The following IRF5 variants were observed in gnomAD, a reference collection of about 807,000 sequenced individuals.
IRF5 encodes interferon regulatory factor 5.
Under a neutral mutation model 55.1 loss-of-function variants are expected in IRF5, and 24 were observed. That is an observed-to-expected ratio of 0.44 (90% CI 0.32 to 0.61). The LOEUF is 0.61. Among genes scored for constraint, IRF5 ranks in the 20% least tolerant of loss-of-function variants. The pLI is 0.07. For synonymous variants in IRF5, 258 were observed against 260.2 expected (o/e 0.99, Z 0.08); for missense variants, 499 against 658.5 (o/e 0.76, Z 2.65).
chr7:128,942,553 A>G (rs993294612), intron 2 of IRF5, among the ~76,000 whole-genome samples: 1 of 151,700 alleles, frequency 6.6e-6, no homozygotes, highest in Non-Finnish European at 1.5e-5. Context: ...CCTGGGTTCA[A>G]GCAATTCTCC....
Position 128,947,201 on chromosome 7 carries a change from T to C in IRF5, c.482-29T>C, listed in dbSNP as rs1203811001. 2 of 1,597,614 alleles carry C rather than the reference T, an allele frequency of 1.3e-6. No individual in the cohort carries two copies. Among genetic ancestry groups the C allele is most frequent in the Admixed American group, 3.4e-5 (2 of 59,076 alleles). ...GGGAGGCAGTTCGTGGAGGTGGCAC[T>C]GACAGCCGTCCACACGCACTCTCTG... On this transcript the variant is annotated intron_variant, in intron 5 of 8. Coordinates refer to ENST00000357234, the MANE Select transcript of IRF5 (RefSeq NM_001098629.3). This position sits in a 1 kb window ranked among gnomAD's most constrained non-coding sequence, Gnocchi z 6.5.
At chr7:128,942,899 C>G (rs73461585) in intron 2 of IRF5, among the ~76,000 whole-genome samples, 1,585 of 152,048 alleles carry the variant, frequency 0.01, 30 homozygotes, top group African/African-American at 0.036. Flanking sequence ...AAACATTTGT[C>G]ATTTCTTTGT....
At chr7:128,943,607 C>T (rs528365012) in intron 2 of IRF5, among the ~76,000 whole-genome samples, 2 of 145,466 alleles carry the variant, frequency 1.4e-5, no homozygotes, top group Non-Finnish European at 3.0e-5. Flanking sequence ...ATGGCACAAT[C>T]TCAGCTCACT....
In IRF5 at chr7:128,947,785, A is replaced by G; in HGVS notation, c.844A>G (p.Ile282Val). Residue 282 changes from isoleucine to valine, a missense_variant, in exon 7 of 9, where the codon ATC becomes GTC. Physicochemically the swap from Ile to Val is conservative, Grantham distance 29 (BLOSUM62 3). Transcript: ENST00000357234. The surrounding 1 kb of genome is among the most constrained non-coding windows in gnomAD (Gnocchi z 6.5). ...YRGRPPRALT[I>V]SNPHGCRLFY... ...GGGGCGGCCACCCCGGGCCCTCACC[A>G]TCAGCAACCCCCATGGCTGCCGGCT... 2 of 1,613,458 alleles carry G rather than the reference A, an allele frequency of 1.2e-6. No individual in the cohort carries two copies. The highest frequency in any genetic ancestry group is 1.7e-6 in the Non-Finnish European group (2 of 1,179,822).
At chr7:128,942,346 G>T (rs570113642) in intron 2 of IRF5, 70 bp downstream of exon 2, 90 of 1,405,472 alleles carry the variant, frequency 6.4e-5, no homozygotes, top group Non-Finnish European at 8.2e-5. Flanking sequence ...CGCACATAAC[G>T]CACACAGGCA....
At chr7:128,941,999 C>A in intron 1 of IRF5, 72 bp from the exon 2 acceptor site, 2 of 1,191,968 alleles carry the variant, frequency 1.7e-6, no homozygotes, top group Non-Finnish European at 2.4e-6. Context: ...TGGTCCATAG[C>A]TTGACCTCTG....
Position 128,947,805 on chromosome 7 carries a change from C to T in IRF5, c.864C>T (p.Cys288=), listed in dbSNP as rs1162690113. The change falls in exon 7 of 9, where the codon TGC becomes TGT. Residue 288 remains cysteine (C), a synonymous_variant. Coordinates refer to ENST00000357234, the MANE Select transcript of IRF5 (RefSeq NM_001098629.3). The surrounding 1 kb of genome is among the most constrained non-coding windows in gnomAD (Gnocchi z 6.5). ...RALTISNPHG[C]RLFYSQLEAT... ...TCACCATCAGCAACCCCCATGGCTG[C>T]CGGCTCTTCTACAGCCAGCTGGAGG... 3.1e-6 allele frequency: 5 copies of T among 1,613,526 alleles called. No homozygotes were observed. The highest frequency in any genetic ancestry group is 4.2e-6 in the Non-Finnish European group (5 of 1,179,888).
In IRF5 at chr7:128,942,189, C is replaced by A. The variant is rs896440231; in HGVS notation, c.108C>A (p.Val36=). ...GCCAGTACCCAGGGCTTCAATGGGT[C>A]AACGGGGAAAAGAAATTATTCTGCA... The part of the protein sequence containing the change: ...NSCQYPGLQW[V]NGEKKLFCIP... Residue 36 remains valine (V), a synonymous_variant, in exon 2 of 9, where the codon GTC becomes GTA. Transcript: ENST00000357234. 1 of 1,614,064 alleles carries A rather than the reference C, an allele frequency of 6.2e-7. No individual in the cohort carries two copies. The highest frequency in any genetic ancestry group is 1.3e-5 in the African/African-American group (1 of 75,060).
At chr7:128,945,286 G>A (rs529602707) in intron 2 of IRF5, among the ~76,000 whole-genome samples, 8 of 152,266 alleles carry the variant, frequency 5.3e-5, no homozygotes, top group Admixed American at 5.2e-4. Context: ...CTAATTTTTT[G>A]TAAAGACAGG....
At chr7:128,944,479 T>G (rs962924444) in intron 2 of IRF5, among the ~76,000 whole-genome samples, 4 of 152,220 alleles carry the variant, frequency 2.6e-5, no homozygotes, top group African/African-American at 9.7e-5. Flanking sequence ...TGCTAATCCA[T>G]TTATTTTGTA....
In IRF5 at chr7:128,947,252, C is replaced by G. The variant is rs756219831; in HGVS notation, c.504C>G (p.His168Gln). ...TAGATGCAGTGCAGTCTGGCCCCCA[C>G]ATGACACCCTATTCTTTACTCAAAG... is the stretch of plus-strand genomic sequence containing the variant. ...SLTDAVQSGP[H>Q]MTPYSLLKED... Residue 168 changes from histidine (H) to glutamine (Q), a missense_variant, in exon 6 of 9, where the codon CAC (histidine) becomes CAG (glutamine). His to Gln is a conservative substitution (Grantham distance 24). Coordinates refer to ENST00000357234, the MANE Select transcript of IRF5 (RefSeq NM_001098629.3). The surrounding 1 kb of genome is among the most constrained non-coding windows in gnomAD (Gnocchi z 6.5). 6 of 1,608,386 alleles carry G rather than the reference C, an allele frequency of 3.7e-6. No homozygotes were observed. In the East Asian group the frequency reaches 1.3e-4, roughly 36 times the overall value.
chr7:128,943,559 G>A (rs1024720254), intron 2 of IRF5, among the ~76,000 whole-genome samples: 249 of 85,740 alleles, frequency 2.9e-3, no homozygotes, highest in African/African-American at 0.011. Flanking sequence ...TTTTTTTTTT[G>A]AGATGGAGTC....
Position 128,948,444 on chromosome 7 carries a change from C to T in IRF5, c.1299+116C>T. The T allele has an allele frequency of 6.8e-7, 1 of 1,474,220 alleles. No homozygotes were observed. The highest frequency in any genetic ancestry group is 2.3e-5 in the East Asian group (1 of 43,990). The allele number at this position is 1,474,220 out of a possible 1,614,324, so 91.3% of individuals were successfully genotyped here. ...CCCTGAGCAGTGTGAACTTGGCGGC[C>T]AGAGACCATCAAGGCTCAGAGCCGG... On this transcript the variant is annotated intron_variant, in intron 8 of 8. Coordinates refer to ENST00000357234, the MANE Select transcript of IRF5 (RefSeq NM_001098629.3). This position sits in a 1 kb window ranked among gnomAD's most constrained non-coding sequence, Gnocchi z 4.6.
chr7:128,948,847 C>CT lies in IRF5; in HGVS notation c.*31dup, dbSNP rs1563079481. Reference sequence around the variant, plus strand: ...GGCTGCAGACGGTGACTGGCCCTGGCTTCCTGGGTGGCGGTGCGGACTGAT... The same window carrying CT: ...GGCTGCAGACGGTGACTGGCCCTGGCTTTCCTGGGTGGCGGTGCGGACTGAT... On this transcript the variant is annotated 3_prime_UTR_variant, in exon 9 of 9. Transcript: ENST00000357234. The surrounding 1 kb of genome is among the most constrained non-coding windows in gnomAD (Gnocchi z 4.6). 6.3e-7 allele frequency: 1 copy of CT among 1,589,890 alleles called. No homozygotes were observed. Among genetic ancestry groups the CT allele is most frequent in the Non-Finnish European group, 8.5e-7 (1 of 1,174,248 alleles).
Position 128,947,999 on chromosome 7 carries a change from T to C in IRF5, c.1058T>C (p.Ile353Thr). The part of the protein sequence containing the change: ...LQLQGQDLYA[I>T]RLCQCKVFWS... ...CTACAGGGCCAGGACCTTTATGCCA[T>C]CCGCCTGTGTCAGTGCAAGGTGTTC... is the stretch of plus-strand genomic sequence containing the variant. The change falls in exon 7 of 9, where the codon ATC becomes ACC. Residue 353 changes from isoleucine to threonine, a missense_variant. Physicochemically the swap from Ile to Thr is moderately conservative, Grantham distance 89. Transcript: ENST00000357234. The surrounding 1 kb of genome is among the most constrained non-coding windows in gnomAD (Gnocchi z 6.5). The C allele has an allele frequency of 6.2e-7, 1 of 1,614,166 alleles. No individual in the cohort carries two copies. Among genetic ancestry groups the C allele is most frequent in the Non-Finnish European group, 8.5e-7 (1 of 1,180,014 alleles).
chr7:128,939,366 T>C (rs752637), intron 1 of IRF5, among the ~76,000 whole-genome samples: 88,212 of 151,906 alleles, frequency 0.58, 26,127 homozygotes, highest in Middle Eastern at 0.67. Flanking sequence ...GGGAGGAAGC[T>C]GAAAGAAGCT....
At position 128,948,236 on chromosome 7, in the gene IRF5, A is replaced by G. The variant is rs761192295; in HGVS notation, c.1207A>G (p.Thr403Ala). The change falls in exon 8 of 9, where the codon ACC becomes GCC. Residue 403 changes from threonine to alanine, a missense_variant. Thr to Ala is a moderately conservative substitution (Grantham distance 58). Around this residue, in one of 2 missense-constraint regions of IRF5, gnomAD observed 194 missense variants for 318.3 expected, o/e 0.61. Transcript: ENST00000357234. This position sits in a 1 kb window ranked among gnomAD's most constrained non-coding sequence, Gnocchi z 4.6. ...NELILFQKGQ[T>A]NTPPPFEIFF... ...GCTCATCCTGTTCCAAAAGGGCCAG[A>G]CCAACACCCCACCACCCTTCGAGAT... The G allele has an allele frequency of 3.4e-5, 55 of 1,613,766 alleles. 1 individual carries two copies. In the South Asian group the frequency reaches 5.7e-4, roughly 17 times the overall value.
chr7:128,943,647 TCTC>T (rs1436276194), intron 2 of IRF5, among the ~76,000 whole-genome samples: 1 of 144,046 alleles, frequency 6.9e-6, no homozygotes, highest in Non-Finnish European at 1.5e-5. Context: ...TTCAAGCAAT[TCTC>T]CTGCCTCAGC....
At chr7:128,944,433 T>C (rs1796198607) in intron 2 of IRF5, among the ~76,000 whole-genome samples, 1 of 152,228 alleles carries the variant, frequency 6.6e-6, no homozygotes, top group Non-Finnish European at 1.5e-5. Flanking sequence ...ATTTTCTTAG[T>C]TTTTGGGCTT....
Sources: gnomAD v4.1 joint callset for allele counts (sites outside exome capture counted in the v4.1 genomes callset) on GRCh38, gnomAD v4.1.1 for gene constraint, gnomAD v4.1.1 regional missense constraint, Gnocchi (gnomAD v3.1) non-coding constraint, MANE v1.5 for transcripts, NCBI Gene and HGNC (gene_info 2026-07-23, HGNC 2026-07-21) for gene names.